The following USP50 variants were observed in gnomAD, a reference collection of about 807,000 sequenced individuals.
The protein encoded by USP50 is ubiquitin specific peptidase 50.
In USP50, 37 loss-of-function variants were observed where a neutral mutation model predicts 39.2. That is an observed-to-expected ratio of 0.94 (90% confidence interval 0.73 to 1.24). The LOEUF (loss-of-function observed/expected upper bound fraction) is 1.24. Ranked by LOEUF, USP50 falls within the 50% of genes most tolerant of loss-of-function variation. USP50 has a pLI of 0.00. For missense variants in USP50, 374 were observed against 398.2 expected (o/e 0.94, Z 0.52); for synonymous variants, 139 against 144.5 (o/e 0.96, Z 0.27).
chr15:50,528,072 T>G (rs199565956), intron 6 of USP50, among the ~76,000 whole-genome samples: 11,760 of 62,378 alleles, frequency 0.19, 519 homozygotes, highest in South Asian at 0.27. Flanking sequence ...TAAGTTTTTT[T>G]TTTTTTTTTT....
At chr15:50,526,089 C>T (rs1047147664) in intron 6 of USP50, among the ~76,000 whole-genome samples, 3 of 152,072 alleles carry the variant, frequency 2.0e-5, no homozygotes, top group Non-Finnish European at 4.4e-5. Context: ...GGCAGGGTTT[C>T]TCTCTGTTGC....
At chr15:50,493,768 C>A, downstream of USP50, 1 of 465,598 alleles carries the variant, frequency 2.1e-6, no homozygotes, top group Non-Finnish European at 4.0e-6. Context: ...AAAGCCTTCT[C>A]TGATTAGTAA....
rs1167488221 is a variant in USP50 at position 50,543,614 on chromosome 15, T to A, written c.428A>T (p.His143Leu). 3 of 1,613,320 alleles carry A rather than the reference T, an allele frequency of 1.9e-6. No homozygotes were observed. The African/African-American group carries it at 4.0e-5, about 22-fold the overall frequency. ...TCTACTTACCTTTTTTAGAGCTTCA[T>A]GAAGTTCATTTAGGACACAAATCAA... ...EFLICVLNEL[H>L]EALKKYHYSR... Residue 143 changes from histidine (H) to leucine (L), a missense_variant, in exon 3 of 7, where the codon CAT (histidine) becomes CTT (leucine). His to Leu is a moderately conservative substitution (Grantham distance 99). Transcript: ENST00000532404.
At chr15:50,524,809 G>C (rs1166958287) in intron 6 of USP50, among the ~76,000 whole-genome samples, 1 of 152,146 alleles carries the variant, frequency 6.6e-6, no homozygotes, top group East Asian at 1.9e-4. Flanking sequence ...GGGAGTTCAA[G>C]GCTGCAGTGA....
intron 6 of USP50, among the ~76,000 whole-genome samples, chr15:50,518,991 A>T (rs981469863): frequency 3.3e-5 from 5 of 152,220 alleles, no homozygotes; most frequent in African/African-American, 1.2e-4. Flanking sequence ...AATCCCATTA[A>T]AAAGTGGGCA....
In USP50 at chr15:50,528,689, G is replaced by A. The variant is rs186135671; in HGVS notation, c.936+1108C>T. Among the ~76,000 whole-genome samples, 562 of 152,304 alleles carry A rather than the reference G, an allele frequency of 3.7e-3. 2 individuals are homozygous for A. Among genetic ancestry groups the A allele is most frequent in the Non-Finnish European group, 6.1e-3 (413 of 68,018 alleles). ...AGCAGGATAAATTGGAAAGGAGAATGTTGAGACTCGAAGTGAAAACACAAA... is the reference window on the plus strand; with the variant it reads ...AGCAGGATAAATTGGAAAGGAGAATATTGAGACTCGAAGTGAAAACACAAA... On this transcript the variant is annotated intron_variant, in intron 6 of 6. Coordinates refer to ENST00000532404, the MANE Select transcript of USP50 (RefSeq NM_203494.5).
intron 5 of USP50, among the ~76,000 whole-genome samples, chr15:50,537,731 G>A (rs1596019141): frequency 1.3e-5 from 2 of 151,212 alleles, no homozygotes; most frequent in African/African-American, 4.9e-5. Context: ...GTGGTGGCGG[G>A]TGCCTGTAGT....
At chr15:50,541,348 C>T (rs1253192416) in intron 3 of USP50, 84 bp from the exon 4 acceptor site, 2 of 1,120,338 alleles carry the variant, frequency 1.8e-6, no homozygotes, top group South Asian at 1.5e-5. Context: ...CCCATCTCTA[C>T]AAAAAAAACA....
At chr15:50,496,311 C>T (rs1435807122), downstream of USP50, among the ~76,000 whole-genome samples, 1 of 151,952 alleles carries the variant, frequency 6.6e-6, no homozygotes, top group East Asian at 1.9e-4. Flanking sequence ...GAAACCCCAT[C>T]TCTACTAAAA....
At chr15:50,504,455 T>C (rs2052630212) in intron 6 of USP50, 1 of 152,224 alleles carries the variant, frequency 6.6e-6, no homozygotes, top group Admixed American at 6.6e-5. Context: ...GCCCAGGAGG[T>C]CGAGGCTACA....
chr15:50,519,871 T>G (rs973148165), intron 6 of USP50, among the ~76,000 whole-genome samples: 1 of 152,198 alleles, frequency 6.6e-6, no homozygotes, highest in African/African-American at 2.4e-5. Flanking sequence ...AAAACCAGCA[T>G]GCAGATTCCT....
At chr15:50,507,666 A>G (rs1203889950) in intron 6 of USP50, 1 of 152,214 alleles carries the variant, frequency 6.6e-6, no homozygotes, top group Non-Finnish European at 1.5e-5. Flanking sequence ...GGAAGATTTC[A>G]ACTATTGATC....
chr15:50,541,002 G>A (rs1369612056), intron 4 of USP50, 47 bp downstream of exon 4: 2 of 1,451,814 alleles, frequency 1.4e-6, no homozygotes, highest in African/African-American at 2.8e-5. Context: ...AAAATCCGGG[G>A]CTGAGAGTAT....
At chr15:50,530,583 CAAAAATA>C (rs985298412) in intron 5 of USP50, among the ~76,000 whole-genome samples, 11 of 151,126 alleles carry the variant, frequency 7.3e-5, no homozygotes, top group Admixed American at 3.3e-4. Context: ...GACTCCTTTC[CAAAAATA>C]AAAAATAAAA....
intron 1 of USP50, among the ~76,000 whole-genome samples, chr15:50,545,901 CA>C (rs2053067197): frequency 6.6e-6 from 1 of 151,352 alleles, no homozygotes; most frequent in African/African-American, 2.4e-5. Context: ...CTACTTGACA[CA>C]GGTTCGTCTA....
rs988872814 is a variant in USP50, at chr15:50,541,152, T to G, written c.557A>C (p.Asn186Thr). Residue 186 changes from asparagine to threonine, a missense_variant, in exon 4 of 7, where the codon AAT (asparagine) becomes ACT (threonine). Coordinates refer to ENST00000532404, the MANE Select transcript of USP50 (RefSeq NM_203494.5). Reference protein sequence around the residue: ...IITQLFEEQLNYSIVCLKCEK... With the variant: ...IITQLFEEQLTYSIVCLKCEK... ...ACACTTTAAACATACGATGCTATAA[T>G]TGAGCTGCTCTTCAAACAGCTGGGT... The G allele has an allele frequency of 1.9e-6, 3 of 1,613,958 alleles. No homozygotes were observed. The highest frequency in any genetic ancestry group is 2.5e-6 in the Non-Finnish European group (3 of 1,179,856).
chr15:50,525,572 G>GTATATATGTATATATGTGTATATATGTA (rs1179704528), intron 6 of USP50, among the ~76,000 whole-genome samples: 4 of 64,722 alleles, frequency 6.2e-5, no homozygotes, highest in African/African-American at 1.6e-4. Context: ...ATGTATATAT[G>GTATATATGTATATATGTGTATATATGTA]TATATGTATA....
intron 1 of USP50, 143 bp from the exon 2 acceptor site, chr15:50,544,924 G>A (rs1408574388): frequency 2.4e-6 from 2 of 842,268 alleles, no homozygotes; most frequent in Non-Finnish European, 1.8e-6. Context: ...AGGACAGGAA[G>A]TATTGGAACT....
chr15:50,533,554 T>C (rs1157971884), intron 5 of USP50, among the ~76,000 whole-genome samples: 1 of 151,216 alleles, frequency 6.6e-6, no homozygotes, highest in Non-Finnish European at 1.5e-5. Flanking sequence ...AAGAAGAAAG[T>C]GGAAAAAAAT....
Sources: gnomAD v4.1 joint callset for allele counts (sites outside exome capture counted in the v4.1 genomes callset) on GRCh38, gnomAD v4.1.1 for gene constraint, MANE v1.5 for transcripts, NCBI Gene and HGNC (gene_info 2026-07-23, HGNC 2026-07-21) for gene names.